The following MLIP variants were observed in gnomAD, a reference collection of about 807,000 sequenced individuals.
The protein encoded by MLIP is muscular LMNA interacting protein, also known as muscular LMNA-interacting protein.
Under a neutral mutation model 84.8 loss-of-function variants are expected in MLIP, and 79 were observed. That is an observed-to-expected ratio of 0.93 (90% confidence interval 0.78 to 1.12). The LOEUF (loss-of-function observed/expected upper bound fraction) is 1.12, where lower values mean the gene tolerates loss of function less well. Ranked by LOEUF, MLIP falls within the 50% of genes most tolerant of loss-of-function variation. MLIP has a pLI of 0.00. For missense variants in MLIP, 1,257 were observed against 1,160.6 expected, an observed-to-expected ratio of 1.08 and a Z score of -1.21; for synonymous variants, 504 against 463.0, an observed-to-expected ratio of 1.09 and a Z score of -1.14.
intron 1 of MLIP, among the ~76,000 whole-genome samples, chr6:54,049,165 A>T (rs950879842): frequency 6.6e-6 from 1 of 152,134 alleles, no homozygotes; most frequent in African/African-American, 2.4e-5. Flanking sequence ...TCCTCTGAGG[A>T]TTTTCAGCAA....
chr6:54,216,274 T>C (rs997264525), intron 11 of MLIP: 9 of 985,460 alleles, frequency 9.1e-6, no homozygotes, highest in African/African-American at 5.2e-5. Context: ...TCTTCCATTA[T>C]GAGCAATTGT....
intron 5 of MLIP, among the ~76,000 whole-genome samples, chr6:54,159,365 T>C (rs1774375966): frequency 6.6e-6 from 1 of 152,076 alleles, no homozygotes; most frequent in Non-Finnish European, 1.5e-5. Context: ...AATTTAAAAT[T>C]AGCTTGCCTT....
chr6:54,245,681 A>G (rs1202284356), intron 12 of MLIP, among the ~76,000 whole-genome samples: 1 of 152,114 alleles, frequency 6.6e-6, no homozygotes, highest in Non-Finnish European at 1.5e-5. Flanking sequence ...TTTTTAAAAA[A>G]GTTTCTTTAG....
intron 9 of MLIP, among the ~76,000 whole-genome samples, chr6:54,181,093 G>C (rs907647808): frequency 1.3e-5 from 2 of 152,100 alleles, no homozygotes; most frequent in African/African-American, 4.8e-5. Flanking sequence ...ATGCACCCCT[G>C]TGGCAAGTTC....
chr6:54,230,065 G>T (rs189841422), intron 11 of MLIP, among the ~76,000 whole-genome samples: 3 of 152,146 alleles, frequency 2.0e-5, no homozygotes, highest in Admixed American at 6.5e-5. Context: ...TTAAGGCCTC[G>T]TAACCTCCTT....
chr6:54,239,305 T>C (rs1781567127), intron 12 of MLIP, among the ~76,000 whole-genome samples: 1 of 150,310 alleles, frequency 6.7e-6, no homozygotes, highest in East Asian at 1.9e-4. Flanking sequence ...CAGGAAAATG[T>C]ATACTCCTAT....
intron 13 of MLIP, among the ~76,000 whole-genome samples, chr6:54,260,630 A>G (rs1406968370): frequency 6.6e-6 from 1 of 152,022 alleles, no homozygotes; most frequent in African/African-American, 2.4e-5. Flanking sequence ...AATTTGTTGC[A>G]GTGAATGATT....
intron 11 of MLIP, among the ~76,000 whole-genome samples, chr6:54,211,926 C>T (rs1479364006): frequency 3.3e-5 from 5 of 152,084 alleles, no homozygotes; most frequent in Admixed American, 6.5e-5. Flanking sequence ...TGATTAGGTG[C>T]CTTCTTTTTG....
chr6:54,146,189 A>G (rs1447217796), intron 4 of MLIP, among the ~76,000 whole-genome samples: 1 of 152,228 alleles, frequency 6.6e-6, no homozygotes, highest in Non-Finnish European at 1.5e-5. Context: ...GTGTGATCCA[A>G]CAGTATGAAG....
intron 5 of MLIP, among the ~76,000 whole-genome samples, chr6:54,153,629 C>T (rs761080400): frequency 1.3e-5 from 2 of 151,940 alleles, no homozygotes; most frequent in African/African-American, 4.8e-5. Flanking sequence ...GGGTGGATCA[C>T]CTGAGGTCAG....
At chr6:54,020,470 G>T (rs1763434603) in intron 1 of MLIP, among the ~76,000 whole-genome samples, 1 of 152,188 alleles carries the variant, frequency 6.6e-6, no homozygotes, top group African/African-American at 2.4e-5. Context: ...AACCAGATAG[G>T]GAGTAACTAA....
At chr6:54,047,588 G>T (rs558138549) in intron 1 of MLIP, 1 of 152,198 alleles carries the variant, frequency 6.6e-6, no homozygotes, top group Non-Finnish European at 1.5e-5. Flanking sequence ...AGAGTCAAGC[G>T]GAACCCAGGA....
At chr6:54,205,501 A>G (rs1778974933) in intron 11 of MLIP, among the ~76,000 whole-genome samples, 2 of 152,236 alleles carry the variant, frequency 1.3e-5, no homozygotes, top group South Asian at 2.1e-4. Context: ...CTTCACTGCC[A>G]TTAGATATGA....
At chr6:54,090,606 C>T (rs978047682) in intron 1 of MLIP, among the ~76,000 whole-genome samples, 1 of 151,742 alleles carries the variant, frequency 6.6e-6, no homozygotes, top group Middle Eastern at 3.4e-3. Flanking sequence ...TCATAAGCAT[C>T]GGTTGTGTGC....
At chr6:54,152,931 T>C (rs1234184559) in intron 5 of MLIP, among the ~76,000 whole-genome samples, 1 of 152,148 alleles carries the variant, frequency 6.6e-6, no homozygotes, top group Non-Finnish European at 1.5e-5. Context: ...CAATGATTAA[T>C]ATTTTTCCAT....
chr6:54,228,329 T>C (rs981613764), intron 11 of MLIP, among the ~76,000 whole-genome samples: 2 of 151,912 alleles, frequency 1.3e-5, no homozygotes, highest in African/African-American at 4.8e-5. Flanking sequence ...AGAAGGCAAT[T>C]AGCACAGATT....
intron 9 of MLIP, among the ~76,000 whole-genome samples, chr6:54,189,111 A>G (rs1777677631): frequency 6.6e-6 from 1 of 152,186 alleles, no homozygotes; most frequent in Non-Finnish European, 1.5e-5. Context: ...ACTAGGGAGC[A>G]GGGGGAAATG....
At chr6:54,207,891 C>G (rs1044684388) in intron 11 of MLIP, among the ~76,000 whole-genome samples, 1 of 151,828 alleles carries the variant, frequency 6.6e-6, no homozygotes, top group Admixed American at 6.6e-5. Flanking sequence ...TTTGGGAGGC[C>G]GAGGTGGGCG....
chr6:54,144,601 C>A (rs1772616866), intron 4 of MLIP, among the ~76,000 whole-genome samples: 1 of 152,172 alleles, frequency 6.6e-6, no homozygotes, highest in Non-Finnish European at 1.5e-5. Flanking sequence ...GAATCTAATG[C>A]TGCTGCTGAT....
Sources: allele counts gnomAD v4.1 joint callset (sites outside exome capture counted in the v4.1 genomes callset), GRCh38; gene constraint gnomAD v4.1.1; transcripts MANE v1.5; gene names NCBI Gene and HGNC (gene_info 2026-07-23, HGNC 2026-07-21).